PRKG2: variants seen among roughly 807,000 people sequenced by gnomAD.
PRKG2 encodes protein kinase cGMP-dependent 2, also known as cGMP-dependent protein kinase 2.
Under a neutral mutation model 97.2 loss-of-function variants are expected in PRKG2, and 33 were observed. The ratio of observed to expected loss-of-function variants is 0.34; its 90% CI spans 0.26 to 0.45. The LOEUF (loss-of-function observed/expected upper bound fraction) is 0.45, where lower values mean the gene tolerates loss of function less well. Ranked by LOEUF, PRKG2 falls within the 20% of genes least tolerant of loss-of-function variation. The pLI, the probability that PRKG2 is intolerant of heterozygous loss-of-function variation, is 1.00. For missense variants in PRKG2, 638 were observed against 900.0 expected (o/e 0.71, Z 3.73); for synonymous variants, 330 against 321.8 (o/e 1.03, Z -0.27).
At chr4:81,120,501 T>C (rs952558959) in intron 14 of PRKG2, among the ~76,000 whole-genome samples, 1 of 152,264 alleles carries the variant, frequency 6.6e-6, no homozygotes, top group South Asian at 2.1e-4. Context: ...GTTTTCCTCA[T>C]AGATCTTACA....
In PRKG2 at chr4:81,088,975, C is replaced by T. The variant is rs1257665021; in HGVS notation, c.*733G>A. 6.6e-6 allele frequency: 1 copy of T among 152,116 alleles called. No individual in the cohort carries two copies. Among genetic ancestry groups the T allele is most frequent in the Non-Finnish European group, 1.5e-5 (1 of 68,016 alleles). 9.4% of individuals were successfully genotyped at this position (152,116 alleles called of 1,614,324 possible). A position where few individuals can be genotyped will look rare whatever the true frequency, so the allele number is the denominator to read the frequency against. ...ACATTGTAACTATCTTTAACAAGGACTTTCGAAAAGTCTCTAAGGTATCAC... is the reference window on the plus strand; with the variant it reads ...ACATTGTAACTATCTTTAACAAGGATTTTCGAAAAGTCTCTAAGGTATCAC... On this transcript the variant is annotated 3_prime_UTR_variant, in exon 19 of 19. Coordinates refer to ENST00000264399, the MANE Select transcript of PRKG2 (RefSeq NM_006259.3).
chr4:81,209,364 A>T (rs1753848117), intron 1 of PRKG2, among the ~76,000 whole-genome samples: 1 of 152,172 alleles, frequency 6.6e-6, no homozygotes, highest in Non-Finnish European at 1.5e-5. Flanking sequence ...TGTTATAAAT[A>T]TACACAGACA....
chr4:81,206,683 C>T (rs1248055394), intron 1 of PRKG2, among the ~76,000 whole-genome samples: 1 of 152,156 alleles, frequency 6.6e-6, no homozygotes, highest in Non-Finnish European at 1.5e-5. Context: ...TTATAACCCA[C>T]ACATCTGCCC....
At chr4:81,090,053 C>G (rs1200974961) in intron 18 of PRKG2, among the ~76,000 whole-genome samples, 1 of 152,030 alleles carries the variant, frequency 6.6e-6, no homozygotes, top group Non-Finnish European at 1.5e-5. Context: ...GAAGAGTTTT[C>G]CTAAAGAAAA....
intron 18 of PRKG2, among the ~76,000 whole-genome samples, chr4:81,091,654 GA>G (rs1206360993): frequency 6.6e-6 from 1 of 151,952 alleles, no homozygotes; most frequent in Non-Finnish European, 1.5e-5. Context: ...ACACTTTGAT[GA>G]AAAAAAGTCA....
intron 6 of PRKG2, among the ~76,000 whole-genome samples, chr4:81,157,634 G>T (rs1749222092): frequency 6.6e-6 from 1 of 151,974 alleles, no homozygotes; most frequent in African/African-American, 2.4e-5. Context: ...CCAAAAAAGA[G>T]AATTTTAGAC....
chr4:81,199,881 A>G (rs1753194323), intron 2 of PRKG2, among the ~76,000 whole-genome samples: 2 of 152,224 alleles, frequency 1.3e-5, no homozygotes, highest in Admixed American at 6.5e-5. Context: ...GTGACAGATA[A>G]AATGAATTGT....
chr4:81,163,477 A>G (rs1749737029), intron 6 of PRKG2, among the ~76,000 whole-genome samples: 1 of 152,212 alleles, frequency 6.6e-6, no homozygotes, highest in African/African-American at 2.4e-5. Context: ...CAATACACAC[A>G]CAAGAGCAGG....
chr4:81,197,677 G>C (rs1753045905), intron 2 of PRKG2, among the ~76,000 whole-genome samples: 1 of 152,008 alleles, frequency 6.6e-6, no homozygotes, highest in African/African-American at 2.4e-5. Context: ...TCATAGCAGA[G>C]TGTACCAAAT....
intron 17 of PRKG2, among the ~76,000 whole-genome samples, chr4:81,096,815 A>G (rs1187358524): frequency 6.6e-6 from 1 of 152,182 alleles, no homozygotes; most frequent in African/African-American, 2.4e-5. Context: ...TATTTCTAAC[A>G]CATCTGCATT....
At chr4:81,140,720 A>G (rs748695465) in intron 11 of PRKG2, 51 bp from the exon 12 acceptor site, 2 of 1,488,428 alleles carry the variant, frequency 1.3e-6, no homozygotes, top group South Asian at 2.4e-5. Flanking sequence ...TCTATATAAA[A>G]CACACTAATC....
At position 81,143,499 on chromosome 4, in the gene PRKG2, T is replaced by A. The variant is rs141933784; in HGVS notation, c.1254-552A>T. Among the ~76,000 whole-genome samples, 387 of 152,318 alleles carry A rather than the reference T, an allele frequency of 2.5e-3. 3 individuals are homozygous for A. The highest frequency in any genetic ancestry group is 8.7e-3 in the African/African-American group (363 of 41,578). ...TGAAAAGTACATTTCTTACTTTATGTCTAAGTAATATCCATTTTTTTCTCT... is the reference window on the plus strand; with the variant it reads ...TGAAAAGTACATTTCTTACTTTATGACTAAGTAATATCCATTTTTTTCTCT... On this transcript the variant is annotated intron_variant, in intron 10 of 18. Transcript: ENST00000264399.
intron 2 of PRKG2, among the ~76,000 whole-genome samples, chr4:81,189,610 G>C (rs1490070523): frequency 6.7e-6 from 1 of 149,890 alleles, no homozygotes; most frequent in Non-Finnish European, 1.5e-5. Context: ...GGGGACTGTT[G>C]TGGGGTAGAG....
intron 14 of PRKG2, among the ~76,000 whole-genome samples, chr4:81,121,512 T>C (rs1417887025): frequency 6.6e-6 from 1 of 152,214 alleles, no homozygotes; most frequent in Non-Finnish European, 1.5e-5. Context: ...CTATTCCTCT[T>C]GTGTGACTTT....
At chr4:81,116,069 C>T (rs982885814) in intron 14 of PRKG2, among the ~76,000 whole-genome samples, 1 of 151,954 alleles carries the variant, frequency 6.6e-6, no homozygotes, top group African/African-American at 2.4e-5. Flanking sequence ...TATACATGTG[C>T]AGGTTTGTTA....
chr4:81,154,668 A>G (rs558335345), intron 6 of PRKG2, among the ~76,000 whole-genome samples: 86 of 152,028 alleles, frequency 5.7e-4, no homozygotes, highest in African/African-American at 2.0e-3. Flanking sequence ...AAAGATGGGG[A>G]AAAAACAGAG....
rs191807467 is a variant in PRKG2 at position 81,128,024 on chromosome 4, A to G, written c.1776+7131T>C. On this transcript the variant is annotated intron_variant, in intron 14 of 18. Transcript: ENST00000264399. ...CGTTCCATTAATGCCTAGTTTATTG[A>G]GAGTTTTTAGCATAAAGGGGTGTTG... 5.3e-5 allele frequency among the ~76,000 whole-genome samples: 8 copies of G among 152,220 alleles called. No homozygotes were observed. In the East Asian group the frequency reaches 1.4e-3, roughly 26 times the overall value.
intron 17 of PRKG2, among the ~76,000 whole-genome samples, chr4:81,096,086 T>C (rs1436987378): frequency 6.6e-6 from 1 of 152,202 alleles, no homozygotes; most frequent in East Asian, 1.9e-4. Context: ...GGCTGCTGAC[T>C]GACAAGGGCA....
intron 6 of PRKG2, chr4:81,164,831 C>CTGGA (rs956246056): frequency 5.9e-5 from 9 of 152,254 alleles, no homozygotes; most frequent in African/African-American, 2.2e-4. Context: ...CAAAAGGCCA[C>CTGGA]TGGATCAAAT....
Sources: gnomAD v4.1 joint callset for allele counts (sites outside exome capture counted in the v4.1 genomes callset) on GRCh38, gnomAD v4.1.1 for gene constraint, MANE v1.5 for transcripts, NCBI Gene and HGNC (gene_info 2026-07-23, HGNC 2026-07-21) for gene names.